Variants in PXT1 observed in about 807,000 individuals in gnomAD.
PXT1 encodes peroxisomal testis-specific protein 1.
A neutral mutation model predicts 11.0 loss-of-function variants in PXT1; 11 were observed. The observed-to-expected ratio is 1.00, with a 90% CI of 0.63 to 1.66. PXT1 has a LOEUF of 1.66. PXT1 is among the 40% of genes most tolerant of loss of function. The pLI, the probability that PXT1 is intolerant of heterozygous loss-of-function variation, is 0.00. For missense variants in PXT1, 141 were observed against 155.5 expected, an observed-to-expected ratio of 0.91 and a Z score of 0.49; for synonymous variants, 43 against 51.4, an observed-to-expected ratio of 0.84 and a Z score of 0.70.
chr6:36,424,595 C>T (rs1774575754), intron 3 of PXT1, among the ~76,000 whole-genome samples: 1 of 152,152 alleles, frequency 6.6e-6, no homozygotes, highest in African/African-American at 2.4e-5. Flanking sequence ...GCCGAGATCG[C>T]GCCACTGCAC....
chr6:36,402,094 G>GGAAT (rs1774223287), intron 3 of PXT1, among the ~76,000 whole-genome samples: 1 of 152,006 alleles, frequency 6.6e-6, no homozygotes, highest in African/African-American at 2.4e-5. Context: ...TGGGATTATA[G>GGAAT]GAATGAGCCA....
chr6:36,395,538 TG>T (rs1774131802), intron 4 of PXT1, among the ~76,000 whole-genome samples: 1 of 138,164 alleles, frequency 7.2e-6, no homozygotes, highest in African/African-American at 2.7e-5. Context: ...GGTCTCACTC[TG>T]TTACCCAGGC....
chr6:36,398,339 T>G (rs906214212), intron 4 of PXT1, among the ~76,000 whole-genome samples: 3 of 152,082 alleles, frequency 2.0e-5, no homozygotes, highest in Non-Finnish European at 4.4e-5. Context: ...AAGTGAAACA[T>G]AGAGATTTCA....
intron 3 of PXT1, among the ~76,000 whole-genome samples, chr6:36,422,460 C>G (rs533204551): frequency 6.6e-6 from 1 of 152,286 alleles, no homozygotes; most frequent in Admixed American, 6.5e-5. Context: ...ACATCTAGAC[C>G]TCTCCTTAGC....
intron 2 of PXT1, 128 bp downstream of exon 2, chr6:36,438,639 G>C (rs1774808851): frequency 6.6e-6 from 1 of 152,230 alleles, no homozygotes; most frequent in African/African-American, 2.4e-5. Context: ...AGCCGGGATG[G>C]TCTTGATCTC....
At chr6:36,409,841 G>GGAAGGAAGGAAA (rs2127412876) in intron 3 of PXT1, among the ~76,000 whole-genome samples, 1 of 144,642 alleles carries the variant, frequency 6.9e-6, no homozygotes, top group East Asian at 2.0e-4. Context: ...AAGGAAGGAA[G>GGAAGGAAGGAAA]GAAGGAAGGA....
Position 36,415,995 on chromosome 6 carries a change from A to G in PXT1, c.169+9919T>C, listed in dbSNP as rs533137385. On this transcript the variant is annotated intron_variant, in intron 3 of 4. Coordinates refer to ENST00000454782, the MANE Select transcript of PXT1 (RefSeq NM_152990.4). ...AAACAGGAGACTGGTCCATCTGCTA[A>G]GAAGGAAAGAGATCCTGAAGTGTTT... Among the ~76,000 whole-genome samples, 4 of 152,252 alleles carry G rather than the reference A, an allele frequency of 2.6e-5. No individual in the cohort carries two copies. In the East Asian group the frequency reaches 7.7e-4, roughly 29 times the overall value.
chr6:36,439,049 G>T (rs1774815488), intron 1 of PXT1, among the ~76,000 whole-genome samples, 163 bp from the exon 2 acceptor site: 1 of 150,898 alleles, frequency 6.6e-6, no homozygotes, highest in Non-Finnish European at 1.5e-5. Flanking sequence ...CGCCCAGGTT[G>T]GAGCAGTGGT....
At chr6:36,437,523 T>G (rs1774784043) in intron 2 of PXT1, among the ~76,000 whole-genome samples, 1 of 150,590 alleles carries the variant, frequency 6.6e-6, no homozygotes, top group African/African-American at 2.4e-5. Flanking sequence ...GGTTTTTTTT[T>G]TTTTTTTGGA....
At chr6:36,410,624 A>T (rs1423168846) in intron 3 of PXT1, among the ~76,000 whole-genome samples, 2 of 152,098 alleles carry the variant, frequency 1.3e-5, no homozygotes, top group Non-Finnish European at 2.9e-5. Context: ...AAGAAAAGGA[A>T]GGAGGGAAGG....
intron 3 of PXT1, among the ~76,000 whole-genome samples, chr6:36,408,299 GC>G (rs1352924840): frequency 2.1e-5 from 3 of 141,170 alleles, no homozygotes; most frequent in African/African-American, 8.0e-5. Context: ...TCTCTCTATT[GC>G]CTCTCTCTGC....
chr6:36,429,375 A>G (rs1774656193), intron 2 of PXT1, among the ~76,000 whole-genome samples: 1 of 125,924 alleles, frequency 7.9e-6, no homozygotes, highest in Non-Finnish European at 1.7e-5. Flanking sequence ...ATGAGAATAT[A>G]TCTGCAGATG....
chr6:36,421,435 T>C (rs1246435531), intron 3 of PXT1, among the ~76,000 whole-genome samples: 1 of 152,170 alleles, frequency 6.6e-6, no homozygotes, highest in Non-Finnish European at 1.5e-5. Context: ...CACTTCAGCC[T>C]GAGCAACTGA....
chr6:36,441,677 A>G (rs1387550391), intron 1 of PXT1, among the ~76,000 whole-genome samples: 1 of 152,220 alleles, frequency 6.6e-6, no homozygotes, highest in Non-Finnish European at 1.5e-5. Flanking sequence ...GTCCATGTTG[A>G]GATAAACACA....
At chr6:36,408,164 G>A (rs1055638707) in intron 3 of PXT1, among the ~76,000 whole-genome samples, 3 of 151,056 alleles carry the variant, frequency 2.0e-5, no homozygotes, top group Non-Finnish European at 4.4e-5. Context: ...GTTTCACTAT[G>A]TTGGTCAGGC....
chr6:36,404,819 G>A (rs190531897), intron 3 of PXT1, among the ~76,000 whole-genome samples: 9 of 152,054 alleles, frequency 5.9e-5, no homozygotes, highest in East Asian at 1.9e-4. Flanking sequence ...TTAGCCGGGC[G>A]TGGTGGCATG....
intron 4 of PXT1, chr6:36,393,495 C>T (rs1349512431): frequency 2.0e-5 from 3 of 152,600 alleles, no homozygotes; most frequent in African/African-American, 4.8e-5. Context: ...TTTGGGAGGC[C>T]AAGGCTGGTG....
At chr6:36,429,618 G>C (rs1440775565) in intron 2 of PXT1, among the ~76,000 whole-genome samples, 3 of 144,898 alleles carry the variant, frequency 2.1e-5, no homozygotes, top group Admixed American at 7.2e-5. Flanking sequence ...CGATTCTTCT[G>C]CCTCAGCCTC....
chr6:36,404,094 A>C (rs1412514610), intron 3 of PXT1, among the ~76,000 whole-genome samples: 2 of 152,228 alleles, frequency 1.3e-5, no homozygotes, highest in Non-Finnish European at 2.9e-5. Flanking sequence ...CAAAGGAACA[A>C]AAGTCCACAG....
Sources: allele counts gnomAD v4.1 joint callset (sites outside exome capture counted in the v4.1 genomes callset), GRCh38; gene constraint gnomAD v4.1.1; transcripts MANE v1.5; gene names NCBI Gene and HGNC (gene_info 2026-07-23, HGNC 2026-07-21).